Variants in LSM14A observed in about 807,000 individuals in gnomAD.
LSM14A encodes LSM14A mRNA processing body assembly factor.
A neutral mutation model predicts 52.4 loss-of-function variants in LSM14A; 14 were observed. That is an observed-to-expected ratio of 0.27 (90% confidence interval 0.18 to 0.42). The LOEUF (loss-of-function observed/expected upper bound fraction) is 0.42. Among genes scored for constraint, LSM14A ranks in the 10% least tolerant of loss-of-function variants. The probability of loss-of-function intolerance (pLI) is 1.00; values close to 1 mark genes in which losing one functional copy is unlikely to be tolerated. For missense variants in LSM14A, 417 were observed against 581.8 expected, an observed-to-expected ratio of 0.72 and a Z score of 2.91; for synonymous variants, 185 against 200.3, an observed-to-expected ratio of 0.92 and a Z score of 0.64.
At chr19:34,206,503 C>T (rs561382307) in intron 3 of LSM14A, among the ~76,000 whole-genome samples, 1 of 150,372 alleles carries the variant, frequency 6.7e-6, no homozygotes, top group Non-Finnish European at 1.5e-5. Context: ...CCTGTCTCTA[C>T]TAAAAATACA....
chr19:34,227,013 G>C (rs1278609646), intron 9 of LSM14A, among the ~76,000 whole-genome samples: 1 of 152,164 alleles, frequency 6.6e-6, no homozygotes, highest in Non-Finnish European at 1.5e-5. Flanking sequence ...AAAGTATGTT[G>C]ACAGTTGTAT....
At chr19:34,214,890 T>A (rs2072461445) in intron 4 of LSM14A, among the ~76,000 whole-genome samples, 1 of 149,258 alleles carries the variant, frequency 6.7e-6, no homozygotes, top group Admixed American at 6.8e-5. Flanking sequence ...GGGGAGGGAG[T>A]TGTTTTGAAG....
At chr19:34,192,485 C>T (rs1362192355) in intron 1 of LSM14A, among the ~76,000 whole-genome samples, 1 of 149,804 alleles carries the variant, frequency 6.7e-6, no homozygotes, top group Non-Finnish European at 1.5e-5. Context: ...GCCAACATGC[C>T]CAGCTAATGA....
At chr19:34,176,642 G>A (rs919879276) in intron 1 of LSM14A, among the ~76,000 whole-genome samples, 28 of 152,088 alleles carry the variant, frequency 1.8e-4, no homozygotes, top group Non-Finnish European at 4.0e-4. Flanking sequence ...ATTCCATCAT[G>A]AATATAACAC....
rs116939688 is a variant in LSM14A, at chr19:34,181,349, C to T, written c.121+8586C>T. The stretch of plus-strand genomic sequence containing the variant: ...TAATGATTACCCCATTTCTATCCTT[C>T]CCTTTATAGCGAAACCCCTTGAAGA... On this transcript the variant is annotated intron_variant, in intron 1 of 9. Transcript: ENST00000544216. Among the ~76,000 whole-genome samples the T allele has an allele frequency of 8.5e-3, 1,296 of 152,336 alleles. 10 individuals are homozygous for T. The highest frequency in any genetic ancestry group is 0.021 in the South Asian group (101 of 4,834).
At chr19:34,218,436 G>T (rs1038204105) in intron 6 of LSM14A, among the ~76,000 whole-genome samples, 11 of 152,268 alleles carry the variant, frequency 7.2e-5, no homozygotes, top group African/African-American at 2.6e-4. Context: ...GCTGCTGTGG[G>T]GTTTTGTGGT....
At chr19:34,177,389 T>C (rs529579) in intron 1 of LSM14A, among the ~76,000 whole-genome samples, 73,596 of 152,032 alleles carry the variant, frequency 0.48, 18,636 homozygotes, top group Middle Eastern at 0.58. Flanking sequence ...CAGAGCTTTA[T>C]ATTTAGTAAG....
chr19:34,212,779 T>C (rs925578781), intron 4 of LSM14A, among the ~76,000 whole-genome samples: 21 of 152,218 alleles, frequency 1.4e-4, no homozygotes, highest in Admixed American at 4.6e-4. Context: ...TGATGATTAG[T>C]AGGCCTTAAT....
chr19:34,204,017 TGTAGCATACGTTA>T (rs1269357156), intron 3 of LSM14A, among the ~76,000 whole-genome samples: 1 of 151,898 alleles, frequency 6.6e-6, no homozygotes, highest in Non-Finnish European at 1.5e-5. Context: ...AAGAAAAGTG[TGTAGCATACGTTA>T]ATATCAGACA....
At chr19:34,207,043 A>C (rs1284239400) in intron 3 of LSM14A, among the ~76,000 whole-genome samples, 1 of 152,254 alleles carries the variant, frequency 6.6e-6, no homozygotes, top group Non-Finnish European at 1.5e-5. Flanking sequence ...TGTTTTAACA[A>C]GAGGTGTTGC....
At chr19:34,180,636 T>G (rs2069411070) in intron 1 of LSM14A, among the ~76,000 whole-genome samples, 1 of 152,202 alleles carries the variant, frequency 6.6e-6, no homozygotes, top group Non-Finnish European at 1.5e-5. Flanking sequence ...TACTGTCATC[T>G]TACTGCCTTT....
intron 1 of LSM14A, among the ~76,000 whole-genome samples, chr19:34,185,315 C>G (rs530122139): frequency 6.6e-6 from 1 of 152,106 alleles, no homozygotes; most frequent in African/African-American, 2.4e-5. Flanking sequence ...GACACAAGGG[C>G]AGGAGTAATG....
At chr19:34,172,896 C>G (rs1295816833) in intron 1 of LSM14A, 133 bp downstream of exon 1, 7 of 1,105,716 alleles carry the variant, frequency 6.3e-6, no homozygotes, top group Non-Finnish European at 8.5e-6. Flanking sequence ...CCTCCCTTCT[C>G]CGGGCCCCGG....
At position 34,172,767 on chromosome 19, in the gene LSM14A, C is replaced by T. The variant is rs748854633; in HGVS notation, c.121+4C>T. On this transcript the variant is annotated splice_donor_region_variant and intron_variant, in intron 1 of 9. Coordinates refer to ENST00000544216, the MANE Select transcript of LSM14A (RefSeq NM_015578.4). ...TCCACCGTAGCCCTTGCCAAAGGTA[C>T]GCGGGACCGGGCCTCAGGGTGGGGG... is the stretch of plus-strand genomic sequence containing the variant. 2 of 1,567,114 alleles carry T rather than the reference C, an allele frequency of 1.3e-6. No homozygotes were observed. The highest frequency in any genetic ancestry group is 2.6e-5 in the East Asian group (1 of 38,222).
intron 4 of LSM14A, among the ~76,000 whole-genome samples, chr19:34,214,013 G>A (rs1036922498): frequency 1.3e-5 from 2 of 152,000 alleles, no homozygotes; most frequent in African/African-American, 4.8e-5. Context: ...GAACTCCTGA[G>A]CTCAAGCGAT....
intron 1 of LSM14A, among the ~76,000 whole-genome samples, chr19:34,178,849 T>C (rs1472917957): frequency 1.3e-5 from 2 of 152,168 alleles, no homozygotes; most frequent in African/African-American, 4.8e-5. Context: ...TAATTAACAT[T>C]ATTGGGGAGG....
intron 9 of LSM14A, among the ~76,000 whole-genome samples, chr19:34,223,434 G>A (rs1017921301): frequency 1.3e-5 from 2 of 152,056 alleles, no homozygotes; most frequent in Admixed American, 1.3e-4. Context: ...TTTCTGCACC[G>A]CATCTCTATC....
chr19:34,173,298 C>T (rs965372128), intron 1 of LSM14A, among the ~76,000 whole-genome samples: 8 of 152,192 alleles, frequency 5.3e-5, no homozygotes, highest in African/African-American at 1.7e-4. Context: ...TGCCGTGGAG[C>T]AGATCCCATC....
At chr19:34,217,033 G>C (rs574350417) in intron 6 of LSM14A, among the ~76,000 whole-genome samples, 1 of 152,114 alleles carries the variant, frequency 6.6e-6, no homozygotes, top group African/African-American at 2.4e-5. Context: ...ACGCCGAGGC[G>C]GGCAGGTCAC....
Sources: gnomAD v4.1 joint callset for allele counts (sites outside exome capture counted in the v4.1 genomes callset) on GRCh38, gnomAD v4.1.1 for gene constraint, MANE v1.5 for transcripts, NCBI Gene and HGNC (gene_info 2026-07-23, HGNC 2026-07-21) for gene names.